GEMIN2: variants seen among roughly 807,000 people sequenced by gnomAD.
GEMIN2 encodes the protein gem nuclear organelle associated protein 2, also known as gem-associated protein 2.
GEMIN2 carries 37 observed loss-of-function variants against 45.8 expected under a neutral mutation model. The ratio of observed to expected loss-of-function variants is 0.81; its 90% confidence interval spans 0.62 to 1.06. GEMIN2 has a LOEUF of 1.06. Among genes scored for constraint, GEMIN2 ranks in the 50% least tolerant of loss-of-function variants. GEMIN2 has a pLI of 0.00. For missense variants in GEMIN2, 335 were observed against 321.8 expected, an observed-to-expected ratio of 1.04 and a Z score of -0.31; for synonymous variants, 101 against 111.5, an observed-to-expected ratio of 0.91 and a Z score of 0.60.
In GEMIN2 at chr14:39,125,033, T is replaced by G; in HGVS notation, c.528T>G (p.Asn176Lys). Reference protein sequence around the residue: ...PPLLSIVSRMNQATVTSVLEY... With the variant: ...PPLLSIVSRMKQATVTSVLEY... ...TGCTTAGTATTGTTAGCAGAATGAA[T>G]CAGGTAAAATTAATAATAGAGATAT... Residue 176 changes from asparagine to lysine, a missense_variant, in exon 6 of 10, where the codon AAT becomes AAG. Transcript: ENST00000308317. 7.1e-7 allele frequency: 1 copy of G among 1,415,524 alleles called. No individual in the cohort carries two copies. Among genetic ancestry groups the G allele is most frequent in the South Asian group, 1.2e-5 (1 of 86,160 alleles). The allele number at this position is 1,415,524 out of a possible 1,614,324, so 87.7% of individuals were successfully genotyped here. A position where few individuals can be genotyped will look rare whatever the true frequency, so the allele number is the denominator to read the frequency against.
At chr14:39,119,455 G>T (rs1473990385) in intron 4 of GEMIN2, among the ~76,000 whole-genome samples, 1 of 152,218 alleles carries the variant, frequency 6.6e-6, no homozygotes, top group Non-Finnish European at 1.5e-5. Flanking sequence ...GAAAAAAGGA[G>T]TTGGAAAGAT....
intron 1 of GEMIN2, 27 bp downstream of exon 1, chr14:39,114,502 G>A (rs760121381): frequency 1.3e-6 from 2 of 1,587,046 alleles, no homozygotes; most frequent in South Asian, 1.1e-5. Flanking sequence ...TGGGCGGGTG[G>A]GCTGGTCTTC....
At chr14:39,118,676 A>C in intron 4 of GEMIN2, 77 bp downstream of exon 4, 2 of 678,426 alleles carry the variant, frequency 2.9e-6, no homozygotes, top group Non-Finnish European at 5.5e-6. Flanking sequence ...CAGTCGTTAA[A>C]GATTCACTTG....
intron 5 of GEMIN2, 40 bp from the exon 6 acceptor site, chr14:39,124,952 A>G (rs1167564983): frequency 1.9e-6 from 2 of 1,056,768 alleles, no homozygotes; most frequent in Non-Finnish European, 2.9e-6. Flanking sequence ...TGAAGCTTAT[A>G]ATACCATTTA....
chr14:39,127,360 T>TTTTTTTA (rs2052657850), intron 6 of GEMIN2, among the ~76,000 whole-genome samples: 1 of 145,206 alleles, frequency 6.9e-6, no homozygotes, highest in African/African-American at 2.6e-5. Flanking sequence ...TTTTTTTTTT[T>TTTTTTTA]GAGACAGAGT....
rs1470566880 is a variant in GEMIN2, at chr14:39,125,379, A to G, written c.531+343A>G. On this transcript the variant is annotated intron_variant, in intron 6 of 9. Transcript: ENST00000308317. Reference sequence around the variant, plus strand: ...ATTCATTTCTGTAGCTTTCAGTTATAAGTCTTAGATTCTGGGGTTTGAATT... The same window carrying G: ...ATTCATTTCTGTAGCTTTCAGTTATGAGTCTTAGATTCTGGGGTTTGAATT... 2.0e-5 allele frequency among the ~76,000 whole-genome samples: 3 copies of G among 152,156 alleles called. No individual in the cohort carries two copies. The East Asian group carries it at 5.8e-4, about 29-fold the overall frequency.
intron 4 of GEMIN2, among the ~76,000 whole-genome samples, chr14:39,121,455 G>C (rs983870899): frequency 6.6e-6 from 1 of 152,112 alleles, no homozygotes; most frequent in African/African-American, 2.4e-5. Context: ...AATTATTTGA[G>C]CCCGAGATTC....
At chr14:39,115,793 CATTT>C (rs1169228596) in intron 2 of GEMIN2, among the ~76,000 whole-genome samples, 3 of 152,008 alleles carry the variant, frequency 2.0e-5, no homozygotes, top group Non-Finnish European at 4.4e-5. Flanking sequence ...TGGACATTTT[CATTT>C]ATTTATTTAT....
chr14:39,134,981 TTTTTG>T (rs1272480970), intron 9 of GEMIN2, among the ~76,000 whole-genome samples: 3 of 152,134 alleles, frequency 2.0e-5, no homozygotes, highest in East Asian at 1.9e-4. Flanking sequence ...TTTGTTTTTG[TTTTTG>T]TTTTAATAAA....
At chr14:39,114,954 C>A in intron 2 of GEMIN2, 41 bp downstream of exon 2, 2 of 887,758 alleles carry the variant, frequency 2.3e-6, no homozygotes, top group South Asian at 1.3e-5. Flanking sequence ...CCCAACCCCC[C>A]AATTAAAAGA....
intron 6 of GEMIN2, among the ~76,000 whole-genome samples, chr14:39,125,750 G>A (rs900356071): frequency 3.9e-5 from 6 of 152,060 alleles, no homozygotes; most frequent in African/African-American, 9.7e-5. Context: ...GGCCGGGCGC[G>A]GTGGCTTATG....
chr14:39,118,068 C>T lies in GEMIN2; in HGVS notation c.292C>T (p.Gln98Ter). The T allele has an allele frequency of 1.3e-6, 2 of 1,595,502 alleles. No individual in the cohort carries two copies. Among genetic ancestry groups the T allele is most frequent in the Non-Finnish European group, 1.7e-6 (2 of 1,165,480 alleles). The change falls in exon 3 of 10, where the codon CAG becomes TAG. Residue 98 changes from glutamine (Q) to a stop codon, truncating the protein, a stop_gained. Coordinates refer to ENST00000308317, the MANE Select transcript of GEMIN2 (RefSeq NM_003616.3). LOFTEE classifies it high-confidence loss of function. ...TLQWQQQQVAQFSTVRQNVNK... is the reference protein window; with the variant it reads ...TLQWQQQQVA ...TCAATGGCAACAGCAACAAGTGGCA[C>T]AGTTTTCAACTGTTCGACAGGTAAG...
intron 2 of GEMIN2, among the ~76,000 whole-genome samples, chr14:39,115,687 C>A (rs566584921): frequency 2.4e-4 from 36 of 152,054 alleles, no homozygotes; most frequent in African/African-American, 8.7e-4. Context: ...GAACTCCTGA[C>A]CTCGTGATGC....
At chr14:39,116,044 T>C (rs914117141) in intron 2 of GEMIN2, among the ~76,000 whole-genome samples, 72 of 151,266 alleles carry the variant, frequency 4.8e-4, no homozygotes, top group East Asian at 1.9e-3. Context: ...GCTCTCTTTT[T>C]CCCCCTTTTT....
rs576092455 is a variant in GEMIN2 at position 39,117,478 on chromosome 14, G to C, written c.223-521G>C. Among the ~76,000 whole-genome samples, 25 of 152,212 alleles carry C rather than the reference G, an allele frequency of 1.6e-4. No homozygotes were observed. In the South Asian group the frequency reaches 2.1e-3, roughly 13 times the overall value. ...ACATGCATACAATGTATAATAATCAGTAATTAGGATAGCCATCACCTCATT... is the reference window on the plus strand; with the variant it reads ...ACATGCATACAATGTATAATAATCACTAATTAGGATAGCCATCACCTCATT... On this transcript the variant is annotated intron_variant, in intron 2 of 9. Transcript: ENST00000308317.
At position 39,118,075 on chromosome 14, in the gene GEMIN2, C is replaced by A; in HGVS notation, c.299C>A (p.Ser100Ter). 2.5e-6 allele frequency: 4 copies of A among 1,583,690 alleles called. No individual in the cohort carries two copies. The East Asian group carries it at 9.0e-5, about 36-fold the overall frequency. The change falls in exon 3 of 10, where the codon TCA becomes TAA. Residue 100 changes from serine (S) to a stop codon, truncating the protein, a stop_gained. Transcript: ENST00000308317. LOFTEE classifies it high-confidence loss of function. ...QWQQQQVAQF[S>*]TVRQNVNKHR... ...CAACAGCAACAAGTGGCACAGTTTT[C>A]AACTGTTCGACAGGTAAGTGTCATA...
At chr14:39,125,654 T>C (rs1225682978) in intron 6 of GEMIN2, among the ~76,000 whole-genome samples, 4 of 152,046 alleles carry the variant, frequency 2.6e-5, no homozygotes, top group Admixed American at 6.6e-5. Flanking sequence ...CATAACCCCA[T>C]TGCAAGTTCA....
chr14:39,122,139 A>C, intron 4 of GEMIN2: 1 of 271,652 alleles, frequency 3.7e-6, no homozygotes, highest in Non-Finnish European at 6.9e-6. Flanking sequence ...TGTGAATCCA[A>C]ATTTCCTCTT....
Position 39,125,019 on chromosome 14 carries a change from GT to G in GEMIN2, c.516del (p.Ser173AlafsTer3). 1 of 1,467,610 alleles carries G rather than the reference GT, an allele frequency of 6.8e-7. No homozygotes were observed. The highest frequency in any genetic ancestry group is 9.5e-7 in the Non-Finnish European group (1 of 1,049,454). The allele number at this position is 1,467,610 out of a possible 1,614,324, so 90.9% of individuals were successfully genotyped here. A position where few individuals can be genotyped will look rare whatever the true frequency, so the allele number is the denominator to read the frequency against. ...QIGFPPLLSI[V>X]SRMNQATVTS... Reference sequence around the variant, plus strand: ...TGGTTTTCCTCCCTTGCTTAGTATTGTTAGCAGAATGAATCAGGTAAAATTA... The same window carrying G: ...TGGTTTTCCTCCCTTGCTTAGTATTGTAGCAGAATGAATCAGGTAAAATTA... On this transcript the variant is annotated frameshift_variant, in exon 6 of 10. Transcript: ENST00000308317. LOFTEE classifies it high-confidence loss of function.
Sources: allele counts gnomAD v4.1 joint callset (sites outside exome capture counted in the v4.1 genomes callset), GRCh38; gene constraint gnomAD v4.1.1; transcripts MANE v1.5; gene names NCBI Gene and HGNC (gene_info 2026-07-23, HGNC 2026-07-21).